The following INPP4B variants were observed in gnomAD, a reference collection of about 807,000 sequenced individuals.
INPP4B encodes the protein inositol polyphosphate 4-phosphatase type II.
In INPP4B, 55 loss-of-function variants were observed where a neutral mutation model predicts 122.5. That is an observed-to-expected ratio of 0.45 (90% CI 0.36 to 0.56). The LOEUF is 0.56. Among genes scored for constraint, INPP4B ranks in the 20% least tolerant of loss-of-function variants. The probability of loss-of-function intolerance (pLI) is 0.00; values close to 1 mark genes in which losing one functional copy is unlikely to be tolerated. For synonymous variants in INPP4B, 403 were observed against 388.7 expected, an observed-to-expected ratio of 1.04 and a Z score of -0.43; for missense variants, 1,000 against 1,097.7, an observed-to-expected ratio of 0.91 and a Z score of 1.26.
chr4:142,650,779 T>C (rs1054198224), intron 2 of INPP4B, among the ~76,000 whole-genome samples: 1 of 152,138 alleles, frequency 6.6e-6, no homozygotes. Flanking sequence ...ATGGGAGATT[T>C]TAACACCCCA....
chr4:142,749,399 A>G (rs1404735811), intron 1 of INPP4B, among the ~76,000 whole-genome samples: 1 of 150,494 alleles, frequency 6.6e-6, no homozygotes, highest in South Asian at 2.1e-4. Flanking sequence ...AAAAGTAACC[A>G]AGTAAATCTA....
intron 2 of INPP4B, among the ~76,000 whole-genome samples, chr4:142,678,706 T>C (rs1333907587): frequency 1.3e-5 from 2 of 151,932 alleles, no homozygotes; most frequent in Admixed American, 1.3e-4. Context: ...ATCTGTGTTT[T>C]GAACTGGAAG....
intron 2 of INPP4B, among the ~76,000 whole-genome samples, chr4:142,673,333 A>T (rs1405491179): frequency 6.6e-6 from 1 of 152,110 alleles, no homozygotes; most frequent in Non-Finnish European, 1.5e-5. Context: ...TGCAATTTTT[A>T]AAGTTCAGAG....
In INPP4B at chr4:142,788,894, T is replaced by C. The variant is rs374451961; in HGVS notation, c.-254+57315A>G. ...AAAAAGATAATCCACCATGATCAAG[T>C]GGGTTTTATGCCAGGGATGTAGGGA... On this transcript the variant is annotated intron_variant, in intron 1 of 25. Transcript: ENST00000262992. Among the ~76,000 whole-genome samples, 105 of 152,258 alleles carry C rather than the reference T, an allele frequency of 6.9e-4. No homozygotes were observed. The Middle Eastern group carries it at 0.017, about 25-fold the overall frequency.
intron 1 of INPP4B, among the ~76,000 whole-genome samples, chr4:142,754,062 T>C (rs920335729): frequency 2.6e-5 from 4 of 152,042 alleles, no homozygotes; most frequent in African/African-American, 9.7e-5. Context: ...AGAATCACAA[T>C]GGTGCAATTC....
At chr4:142,815,431 T>G (rs941422952) in intron 1 of INPP4B, among the ~76,000 whole-genome samples, 1 of 152,192 alleles carries the variant, frequency 6.6e-6, no homozygotes, top group African/African-American at 2.4e-5. Context: ...AAACTCTATT[T>G]CCTTAATGTT....
At chr4:142,317,346 T>G (rs1561837499) in intron 7 of INPP4B, 4 of 357,676 alleles carry the variant, frequency 1.1e-5, no homozygotes, top group Non-Finnish European at 2.3e-5. Flanking sequence ...GGGAAATGAC[T>G]GATGGCTTCA....
intron 11 of INPP4B, among the ~76,000 whole-genome samples, chr4:142,253,715 G>C (rs909975159): frequency 3.9e-5 from 6 of 152,246 alleles, no homozygotes; most frequent in African/African-American, 1.2e-4. Context: ...CGCCCACGGA[G>C]TCTGGCTGAC....
At chr4:142,813,698 C>A (rs562437562) in intron 1 of INPP4B, among the ~76,000 whole-genome samples, 1 of 152,138 alleles carries the variant, frequency 6.6e-6, no homozygotes, top group South Asian at 2.1e-4. Flanking sequence ...CACAGTGCAA[C>A]CAACAAAATA....
At chr4:142,272,927 A>C (rs1394520739) in intron 9 of INPP4B, among the ~76,000 whole-genome samples, 1 of 152,036 alleles carries the variant, frequency 6.6e-6, no homozygotes, top group Non-Finnish European at 1.5e-5. Flanking sequence ...TGCTAGAAGC[A>C]CAAGGCCTAC....
At chr4:142,461,462 T>C (rs1421401487) in intron 3 of INPP4B, among the ~76,000 whole-genome samples, 3 of 152,190 alleles carry the variant, frequency 2.0e-5, no homozygotes, top group Non-Finnish European at 4.4e-5. Context: ...CAGTTGTTCT[T>C]GATACCTGAG....
chr4:142,100,488 C>G (rs1020094289), intron 23 of INPP4B, among the ~76,000 whole-genome samples: 2 of 152,118 alleles, frequency 1.3e-5, no homozygotes, highest in African/African-American at 4.8e-5. Flanking sequence ...TTGCTAAACT[C>G]TTGGTGACTT....
intron 25 of INPP4B, among the ~76,000 whole-genome samples, chr4:142,050,885 T>A: frequency 6.6e-6 from 1 of 151,998 alleles, no homozygotes; most frequent in Admixed American, 6.6e-5. Flanking sequence ...GGTCCACAGA[T>A]ACAACCAACC....
intron 2 of INPP4B, among the ~76,000 whole-genome samples, chr4:142,537,429 T>TATATATATAGAGAGAGAGAGAG (rs1200701380): frequency 7.8e-5 from 2 of 25,484 alleles, no homozygotes; most frequent in Non-Finnish European, 1.8e-4. Flanking sequence ...TATATATATA[T>TATATATATAGAGAGAGAGAGAG]AGAGAGAGAG....
intron 2 of INPP4B, among the ~76,000 whole-genome samples, chr4:142,504,258 T>C (rs917553408): frequency 1.4e-4 from 21 of 151,984 alleles, no homozygotes; most frequent in African/African-American, 5.1e-4. Context: ...GAAAAAAAGA[T>C]GCTTAAATTT....
chr4:142,240,982 G>A (rs987136590), intron 11 of INPP4B, among the ~76,000 whole-genome samples: 4 of 152,016 alleles, frequency 2.6e-5, no homozygotes, highest in Non-Finnish European at 5.9e-5. Context: ...CACAAAAGAT[G>A]AATGTTTTGT....
intron 5 of INPP4B, among the ~76,000 whole-genome samples, chr4:142,416,084 C>T (rs1048756991): frequency 6.6e-6 from 1 of 152,012 alleles, no homozygotes; most frequent in Non-Finnish European, 1.5e-5. Flanking sequence ...AGCACACGAG[C>T]ATGGCACATG....
chr4:142,660,275 G>A (rs915330921), intron 2 of INPP4B, among the ~76,000 whole-genome samples: 1 of 152,134 alleles, frequency 6.6e-6, no homozygotes, highest in African/African-American at 2.4e-5. Flanking sequence ...ATGGAAGAGG[G>A]AAAGAGGATG....
intron 10 of INPP4B, 138 bp downstream of exon 10, chr4:142,270,525 T>G: frequency 1.5e-6 from 1 of 650,708 alleles, no homozygotes; most frequent in Non-Finnish European, 2.8e-6. Flanking sequence ...ACATATTGTA[T>G]TCCAATTTCA....
Sources: allele counts gnomAD v4.1 joint callset (sites outside exome capture counted in the v4.1 genomes callset), GRCh38; gene constraint gnomAD v4.1.1; transcripts MANE v1.5; gene names NCBI Gene and HGNC (gene_info 2026-07-23, HGNC 2026-07-21).